EHBP1: variants seen among roughly 807,000 people sequenced by gnomAD.
EHBP1 encodes EH domain binding protein 1.
A neutral mutation model predicts 144.0 loss-of-function variants in EHBP1; 55 were observed. That is an observed-to-expected ratio of 0.38 (90% CI 0.31 to 0.48). EHBP1 has a LOEUF of 0.48. EHBP1 is among the 20% of genes least tolerant of loss of function. The pLI, the probability that EHBP1 is intolerant of heterozygous loss-of-function variation, is 0.98. For missense variants in EHBP1, 1,200 were observed against 1,364.2 expected, an observed-to-expected ratio of 0.88 and a Z score of 1.90; for synonymous variants, 469 against 472.7, an observed-to-expected ratio of 0.99 and a Z score of 0.10.
upstream of EHBP1, among the ~76,000 whole-genome samples, chr2:62,703,368 G>C (rs975955400): frequency 2.6e-5 from 4 of 152,026 alleles, no homozygotes; most frequent in Admixed American, 1.3e-4. Context: ...TTAATACTCG[G>C]TATTCAATAA....
intron 13 of EHBP1, among the ~76,000 whole-genome samples, chr2:62,951,098 G>T (rs1340459109): frequency 6.6e-6 from 1 of 152,182 alleles, no homozygotes; most frequent in Non-Finnish European, 1.5e-5. Flanking sequence ...TTCAACAGAA[G>T]ATTTTTAGAC....
At chr2:62,983,137 T>C (rs1013369933) in intron 15 of EHBP1, among the ~76,000 whole-genome samples, 5 of 152,214 alleles carry the variant, frequency 3.3e-5, no homozygotes, top group Non-Finnish European at 7.3e-5. Context: ...ATTGTAGACA[T>C]GCGATGGCCT....
intron 7 of EHBP1, among the ~76,000 whole-genome samples, chr2:62,832,421 AT>A (rs1268564834): frequency 2.3e-5 from 3 of 129,576 alleles, no homozygotes; most frequent in Non-Finnish European, 3.3e-5. Context: ...CACTTCACAG[AT>A]TTTTTTTTCT....
chr2:62,858,899 T>C (rs905353494), intron 7 of EHBP1, among the ~76,000 whole-genome samples: 4 of 152,226 alleles, frequency 2.6e-5, no homozygotes, highest in African/African-American at 9.6e-5. Flanking sequence ...ACTTTTTTTA[T>C]TGGCTCAAAT....
At chr2:62,831,313 A>T (rs1181792759) in intron 7 of EHBP1, among the ~76,000 whole-genome samples, 155 bp downstream of exon 7, 2 of 152,284 alleles carry the variant, frequency 1.3e-5, no homozygotes, top group East Asian at 1.9e-4. Flanking sequence ...GTTCTCTGAC[A>T]ACTTTCCATG....
chr2:62,786,591 C>T (rs529179855), intron 5 of EHBP1, among the ~76,000 whole-genome samples: 12 of 152,292 alleles, frequency 7.9e-5, no homozygotes, highest in African/African-American at 2.9e-4. Context: ...TGTCATCATA[C>T]AGATTTTTAG....
At chr2:62,789,229 G>C (rs1411990490) in intron 5 of EHBP1, among the ~76,000 whole-genome samples, 1 of 152,092 alleles carries the variant, frequency 6.6e-6, no homozygotes, top group Non-Finnish European at 1.5e-5. Flanking sequence ...GGAGGCAAAG[G>C]GTTCAGAATG....
chr2:62,830,165 C>G (rs1354884197), intron 6 of EHBP1, among the ~76,000 whole-genome samples: 2 of 92,668 alleles, frequency 2.2e-5, no homozygotes, highest in African/African-American at 8.3e-5. Flanking sequence ...CACACACACA[C>G]ACACACACAC....
intron 13 of EHBP1, among the ~76,000 whole-genome samples, chr2:62,951,154 G>A (rs1255032203): frequency 6.6e-6 from 1 of 152,166 alleles, no homozygotes; most frequent in African/African-American, 2.4e-5. Context: ...CTCAAGTGGT[G>A]TTGACTGAAA....
At chr2:62,932,575 G>T (rs2056086010) in intron 10 of EHBP1, among the ~76,000 whole-genome samples, 1 of 152,154 alleles carries the variant, frequency 6.6e-6, no homozygotes. Context: ...AATGGATATA[G>T]AGTTTCAGTT....
intron 10 of EHBP1, among the ~76,000 whole-genome samples, chr2:62,915,792 G>C (rs141140775): frequency 6.6e-6 from 1 of 151,914 alleles, no homozygotes; most frequent in Non-Finnish European, 1.5e-5. Context: ...CGATAACAAC[G>C]TACTGGTAAA....
chr2:62,865,247 T>C (rs2049946742), intron 9 of EHBP1, among the ~76,000 whole-genome samples: 1 of 152,200 alleles, frequency 6.6e-6, no homozygotes, highest in African/African-American at 2.4e-5. Context: ...AGAAACTATA[T>C]TATAAATGGT....
intron 7 of EHBP1, among the ~76,000 whole-genome samples, chr2:62,857,433 A>G (rs1448072473): frequency 1.3e-5 from 2 of 152,208 alleles, no homozygotes; most frequent in Non-Finnish European, 2.9e-5. Flanking sequence ...GCCATATTAT[A>G]AATGCATATT....
chr2:62,863,740 G>A (rs1464553850), intron 8 of EHBP1, among the ~76,000 whole-genome samples: 1 of 151,076 alleles, frequency 6.6e-6, no homozygotes, highest in Non-Finnish European at 1.5e-5. Flanking sequence ...ATCCCTGAGT[G>A]GTCTGTGCTT....
chr2:62,827,277 G>T (rs1024308691), intron 6 of EHBP1, among the ~76,000 whole-genome samples: 35 of 152,290 alleles, frequency 2.3e-4, no homozygotes, highest in Admixed American at 2.3e-3. Context: ...AGACAGTGCA[G>T]AATGGAAGCA....
rs188776192 is a variant in EHBP1 at position 62,881,244 on chromosome 2, G to T, written c.1185+6712G>T. On this transcript the variant is annotated intron_variant, in intron 10 of 22. Transcript: ENST00000431489. ...AATAGACACTGGGGCCTACTTGTGG[G>T]TGGAGGGTGGGAGGAGGGTGAGGAT... Among the ~76,000 whole-genome samples, 339 of 152,072 alleles carry T rather than the reference G, an allele frequency of 2.2e-3. 2 individuals carry two copies. The highest frequency in any genetic ancestry group is 7.8e-3 in the African/African-American group (324 of 41,476).
intron 5 of EHBP1, among the ~76,000 whole-genome samples, chr2:62,795,398 A>G (rs563410817): frequency 7.2e-4 from 110 of 152,202 alleles, no homozygotes; most frequent in African/African-American, 2.6e-3. Context: ...AACTTAGGCA[A>G]CATTTATTGA....
chr2:62,725,565 C>G (rs944691293), intron 2 of EHBP1, among the ~76,000 whole-genome samples: 4 of 152,204 alleles, frequency 2.6e-5, no homozygotes, highest in Non-Finnish European at 4.4e-5. Context: ...CTGCTGTTTT[C>G]TGCCTGGTTT....
chr2:62,970,177 C>T (rs1306073538), intron 14 of EHBP1, among the ~76,000 whole-genome samples: 1 of 148,964 alleles, frequency 6.7e-6, no homozygotes, highest in Non-Finnish European at 1.5e-5. Flanking sequence ...CAGTCAAGTT[C>T]TTTCAGTTTA....
Sources: gnomAD v4.1 joint callset for allele counts (sites outside exome capture counted in the v4.1 genomes callset) on GRCh38, gnomAD v4.1.1 for gene constraint, MANE v1.5 for transcripts, NCBI Gene and HGNC (gene_info 2026-07-23, HGNC 2026-07-21) for gene names.